IQGAP2: variants seen among roughly 807,000 people sequenced by gnomAD.
The protein encoded by IQGAP2 is IQ motif containing GTPase activating protein 2.
IQGAP2 carries 173 observed loss-of-function variants against 201.3 expected under a neutral mutation model. That is an observed-to-expected ratio of 0.86 (90% CI 0.76 to 0.98). IQGAP2 has a LOEUF of 0.98. Among genes scored for constraint, IQGAP2 ranks in the 50% least tolerant of loss-of-function variants. The pLI is 0.00. For synonymous variants in IQGAP2, 675 were observed against 673.9 expected (o/e 1.00, Z -0.03); for missense variants, 1,687 against 1,864.8 (o/e 0.90, Z 1.76).
intron 15 of IQGAP2, among the ~76,000 whole-genome samples, chr5:76,635,924 C>T (rs1751091874): frequency 6.6e-6 from 1 of 152,122 alleles, no homozygotes; most frequent in African/African-American, 2.4e-5. Context: ...AACATCCTAA[C>T]TTGACTGTAC....
chr5:76,571,445 A>C (rs1263358851), intron 4 of IQGAP2, among the ~76,000 whole-genome samples: 1 of 152,156 alleles, frequency 6.6e-6, no homozygotes, highest in East Asian at 1.9e-4. Context: ...CGGCATCCCA[A>C]AAGTGCTGGG....
At chr5:76,420,779 T>C (rs540676940) in intron 1 of IQGAP2, among the ~76,000 whole-genome samples, 2 of 152,222 alleles carry the variant, frequency 1.3e-5, no homozygotes, top group African/African-American at 2.4e-5. Flanking sequence ...TACTTTCCAT[T>C]TCTATGAATT....
intron 1 of IQGAP2, among the ~76,000 whole-genome samples, chr5:76,426,087 G>A (rs1202820902): frequency 6.6e-6 from 1 of 152,192 alleles, no homozygotes; most frequent in Non-Finnish European, 1.5e-5. Context: ...GTCATTTTCA[G>A]TGAGCAGAAT....
chr5:76,575,909 T>C, intron 5 of IQGAP2, 140 bp downstream of exon 5: 2 of 461,526 alleles, frequency 4.3e-6, no homozygotes, highest in African/African-American at 2.0e-5. Flanking sequence ...GATTTGCTGG[T>C]ACAAAATTAA....
At chr5:76,426,368 G>A (rs4615280) in intron 1 of IQGAP2, among the ~76,000 whole-genome samples, 60,217 of 152,024 alleles carry the variant, frequency 0.4, 13,415 homozygotes, top group East Asian at 0.53. Flanking sequence ...TGGTCACCCT[G>A]CCCATAAGGA....
chr5:76,554,789 G>A (rs1490996181), intron 2 of IQGAP2, among the ~76,000 whole-genome samples: 2 of 152,088 alleles, frequency 1.3e-5, no homozygotes, highest in African/African-American at 4.8e-5. Context: ...ATATGACCCA[G>A]CAATTCTACT....
chr5:76,470,448 C>G (rs1231218951), intron 2 of IQGAP2, among the ~76,000 whole-genome samples: 1 of 152,052 alleles, frequency 6.6e-6, no homozygotes. Context: ...TTGAAATGGA[C>G]CCCAGAAAGG....
intron 5 of IQGAP2, among the ~76,000 whole-genome samples, chr5:76,586,268 AAT>A (rs1300337365): frequency 6.6e-6 from 1 of 152,176 alleles, no homozygotes; most frequent in Non-Finnish European, 1.5e-5. Flanking sequence ...TTCAAAGTCT[AAT>A]ATAAAACTTT....
intron 2 of IQGAP2, among the ~76,000 whole-genome samples, chr5:76,489,459 GTTGT>G (rs1427554538): frequency 6.6e-6 from 1 of 151,758 alleles, no homozygotes; most frequent in Non-Finnish European, 1.5e-5. Context: ...TTTTGTTTTT[GTTGT>G]TTGTTTGTTT....
At chr5:76,672,340 A>G (rs1251277979) in intron 24 of IQGAP2, among the ~76,000 whole-genome samples, 6 of 152,244 alleles carry the variant, frequency 3.9e-5, no homozygotes, top group East Asian at 3.9e-4. Context: ...AGGTTTAACA[A>G]TCCAGGTTGG....
At chr5:76,564,915 A>G (rs1309818686) in intron 3 of IQGAP2, among the ~76,000 whole-genome samples, 1 of 152,202 alleles carries the variant, frequency 6.6e-6, no homozygotes, top group Non-Finnish European at 1.5e-5. Context: ...CTGAGCTAAA[A>G]GAAAAAAACA....
At chr5:76,518,257 C>T (rs560144551) in intron 2 of IQGAP2, among the ~76,000 whole-genome samples, 5 of 152,256 alleles carry the variant, frequency 3.3e-5, no homozygotes, top group South Asian at 2.1e-4. Flanking sequence ...CCACCACACC[C>T]GGCCCAAGAA....
At chr5:76,627,534 C>G (rs780857276) in intron 14 of IQGAP2, 34 bp downstream of exon 14, 18 of 1,204,484 alleles carry the variant, frequency 1.5e-5, no homozygotes, top group Non-Finnish European at 2.2e-5. Flanking sequence ...TTGAAACTTG[C>G]CTTTTTGGAT....
At chr5:76,579,859 T>C (rs1745720480) in intron 5 of IQGAP2, among the ~76,000 whole-genome samples, 2 of 152,228 alleles carry the variant, frequency 1.3e-5, no homozygotes, top group Admixed American at 6.5e-5. Context: ...TGTCACCACC[T>C]ATGCTCCTTG....
At position 76,634,383 on chromosome 5, in the gene IQGAP2, C is replaced by T. The variant is rs528986290; in HGVS notation, c.1780+2357C>T. ...TTCAAGCAATTCTGCCTCAGCCTCC[C>T]GAGTAGCTGGCATTACAGTTACCTG... is the stretch of plus-strand genomic sequence containing the variant. On this transcript the variant is annotated intron_variant, in intron 15 of 35. Coordinates refer to ENST00000274364, the MANE Select transcript of IQGAP2 (RefSeq NM_006633.5). Among the ~76,000 whole-genome samples, 6 of 152,132 alleles carry T rather than the reference C, an allele frequency of 3.9e-5. No individual in the cohort carries two copies. The East Asian group carries it at 5.8e-4, about 15-fold the overall frequency.
At position 76,613,844 on chromosome 5, in the gene IQGAP2, G is replaced by A. The variant is rs562264482; in HGVS notation, c.1521+2661G>A. ...CGAGTAGCAGGGACTACAGGCACCT[G>A]CCATCAAGCCCGGCTAATTTTTGTA... On this transcript the variant is annotated intron_variant, in intron 13 of 35. Transcript: ENST00000274364. 3.9e-4 allele frequency among the ~76,000 whole-genome samples: 60 copies of A among 152,216 alleles called. 1 individual carries two copies. In the South Asian group the frequency reaches 5.8e-3, roughly 15 times the overall value.
chr5:76,598,077 C>T (rs1433313129), intron 10 of IQGAP2, among the ~76,000 whole-genome samples: 1 of 152,032 alleles, frequency 6.6e-6, no homozygotes, highest in Non-Finnish European at 1.5e-5. Context: ...TACAAGGTTA[C>T]AGTAATTAAG....
intron 1 of IQGAP2, among the ~76,000 whole-genome samples, chr5:76,430,292 C>T (rs1431994988): frequency 1.3e-5 from 2 of 152,198 alleles, no homozygotes; most frequent in Non-Finnish European, 2.9e-5. Flanking sequence ...AATTAACGAG[C>T]TCCAGCTGGG....
chr5:76,604,677 G>A (rs1747675015), intron 11 of IQGAP2, among the ~76,000 whole-genome samples: 1 of 152,104 alleles, frequency 6.6e-6, no homozygotes, highest in African/African-American at 2.4e-5. Context: ...TGCGCTTTTG[G>A]AATGGTCTCC....
Sources: gnomAD v4.1 joint callset for allele counts (sites outside exome capture counted in the v4.1 genomes callset) on GRCh38, gnomAD v4.1.1 for gene constraint, MANE v1.5 for transcripts, NCBI Gene and HGNC (gene_info 2026-07-23, HGNC 2026-07-21) for gene names.